Variants in GPC3 observed in about 807,000 individuals in gnomAD.
The protein encoded by GPC3 is glypican-3.
Under a neutral mutation model 34.4 loss-of-function variants are expected in GPC3, and 3 were observed. The ratio of observed to expected loss-of-function variants is 0.09; its 90% CI spans 0.04 to 0.23. The LOEUF (loss-of-function observed/expected upper bound fraction) is 0.23. Ranked by LOEUF, GPC3 falls within the 10% of genes least tolerant of loss-of-function variation. GPC3 has a pLI of 1.00. For missense variants in GPC3, 351 were observed against 445.6 expected (o/e 0.79, Z 1.91); for synonymous variants, 177 against 174.0 (o/e 1.02, Z -0.13).
intron 7 of GPC3, among the ~76,000 whole-genome samples, chrX:133,592,322 C>T (rs965770512): frequency 3.6e-5 from 3 of 83,117 alleles, no homozygotes; most frequent in East Asian, 4.3e-4. Context: ...TGATATTCCC[C>T]GCCCTGTGTC....
intron 2 of GPC3, among the ~76,000 whole-genome samples, chrX:133,944,151 G>T (rs1406983846): frequency 1.8e-5 from 2 of 110,370 alleles, no homozygotes; most frequent in Non-Finnish European, 3.8e-5. Context: ...TCTCACCTGG[G>T]GACAGAGGGA....
intron 2 of GPC3, among the ~76,000 whole-genome samples, chrX:133,889,853 T>G (rs1438903484): frequency 2.0e-5 from 2 of 99,503 alleles, no homozygotes; most frequent in Non-Finnish European, 4.1e-5. Flanking sequence ...TTTTTTTTTT[T>G]GAGACAGAGT....
chrX:133,868,004 A>G (rs917944782), intron 2 of GPC3, among the ~76,000 whole-genome samples: 1 of 109,458 alleles, frequency 9.1e-6, no homozygotes, highest in Non-Finnish European at 1.9e-5. Context: ...CTACCACTCA[A>G]TAAAACCCCA....
At chrX:133,719,901 A>G (rs57330495) in intron 3 of GPC3, among the ~76,000 whole-genome samples, 7,497 of 112,055 alleles carry the variant, frequency 0.067, 650 homozygotes, top group African/African-American at 0.23. Flanking sequence ...GTGGGCAAAG[A>G]ACATGAATAG....
At chrX:133,667,481 C>A (rs1029488126) in intron 5 of GPC3, among the ~76,000 whole-genome samples, 9 of 111,663 alleles carry the variant, frequency 8.1e-5, no homozygotes, top group African/African-American at 2.9e-4. Flanking sequence ...GCAATGTTCA[C>A]AATGTCACCC....
chrX:133,801,170 A>G (rs892928898), intron 2 of GPC3, among the ~76,000 whole-genome samples: 13 of 111,994 alleles, frequency 1.2e-4, no homozygotes, highest in African/African-American at 4.2e-4. Context: ...AAGAAAATTA[A>G]TTGTGGTAAC....
rs200887517 is a variant in GPC3 at position 133,598,872 on chromosome X, T to TA, written c.1414-2274dup. On this transcript the variant is annotated intron_variant, in intron 6 of 7. Transcript: ENST00000370818. ...TGTCAACACCTTTCATTATGTGATA[T>TA]AAAAAATCACATTTGTTAATATTAT... 2.0e-4 allele frequency among the ~76,000 whole-genome samples: 22 copies of TA among 112,154 alleles called. No homozygotes were observed. In the East Asian group the frequency reaches 5.6e-3, roughly 29 times the overall value.
At chrX:133,546,049 T>G (rs2069383426) in intron 7 of GPC3, among the ~76,000 whole-genome samples, 1 of 112,020 alleles carries the variant, frequency 8.9e-6, no homozygotes, top group Non-Finnish European at 1.9e-5. Context: ...GATAGGACTT[T>G]AACTACTTCT....
intron 2 of GPC3, among the ~76,000 whole-genome samples, chrX:133,792,446 T>A (rs2072175480): frequency 9.0e-6 from 1 of 111,672 alleles, no homozygotes; most frequent in African/African-American, 3.3e-5. Flanking sequence ...GATCCTTCCC[T>A]GAGTTGAAAG....
At chrX:133,746,599 A>C (rs1242652016) in intron 3 of GPC3, among the ~76,000 whole-genome samples, 4 of 112,463 alleles carry the variant, frequency 3.6e-5, no homozygotes, top group Non-Finnish European at 7.5e-5. Context: ...AAATCACTGA[A>C]GCTATTTTGA....
At chrX:133,634,391 G>A (rs758310802) in intron 6 of GPC3, among the ~76,000 whole-genome samples, 4 of 112,038 alleles carry the variant, frequency 3.6e-5, no homozygotes, top group Admixed American at 9.5e-5. Flanking sequence ...TGTTCACAGC[G>A]GCATTATTCA....
At chrX:133,811,004 A>G (rs191844607) in intron 2 of GPC3, among the ~76,000 whole-genome samples, 383 of 111,520 alleles carry the variant, frequency 3.4e-3, no homozygotes, top group African/African-American at 0.012. Flanking sequence ...CCACCTTAGC[A>G]TCCTAATCGT....
At chrX:133,694,611 G>A (rs1386873598) in intron 4 of GPC3, among the ~76,000 whole-genome samples, 2 of 109,832 alleles carry the variant, frequency 1.8e-5, no homozygotes, top group Admixed American at 2.0e-4. Flanking sequence ...ATTAGTCTAC[G>A]GGAAACAATG....
chrX:133,558,524 G>T (rs1427003014), intron 7 of GPC3, among the ~76,000 whole-genome samples: 6 of 110,652 alleles, frequency 5.4e-5, no homozygotes, highest in Non-Finnish European at 1.1e-4. Flanking sequence ...GGAAAGATAG[G>T]GTTGAAAACG....
At chrX:133,638,595 A>G (rs915332445) in intron 6 of GPC3, among the ~76,000 whole-genome samples, 2 of 111,656 alleles carry the variant, frequency 1.8e-5, no homozygotes, top group African/African-American at 6.5e-5. Context: ...CTGTTTTCCA[A>G]TGTAGATGTA....
chrX:133,699,942 T>C lies in GPC3; in HGVS notation c.1119A>G (p.Leu373=). 8.3e-7 allele frequency: 1 copy of C among 1,199,471 alleles called. No homozygotes were observed. The highest frequency in any genetic ancestry group is 1.1e-6 in the Non-Finnish European group (1 of 884,818). ...PEDLFIDKKV[L]KVAHVEHEET... ...CTTCATGTTCTACATGAGCAACTTT[T>C]AATACTTTCTTGTCAATAAAGAGAT... The change falls in exon 4 of 8, where the codon TTA becomes TTG. Residue 373 remains leucine (L), a synonymous_variant. Coordinates refer to ENST00000370818, the MANE Select transcript of GPC3 (RefSeq NM_004484.4).
At chrX:133,723,807 T>C (rs1392351430) in intron 3 of GPC3, among the ~76,000 whole-genome samples, 1 of 111,760 alleles carries the variant, frequency 8.9e-6, no homozygotes, top group Non-Finnish European at 1.9e-5. Context: ...TGCAGAACCG[T>C]GAGCCAATTA....
chrX:133,891,738 G>A (rs1274751151), intron 2 of GPC3, among the ~76,000 whole-genome samples: 1 of 105,451 alleles, frequency 9.5e-6, no homozygotes, highest in Non-Finnish European at 1.9e-5. Flanking sequence ...GGTGGAGGCT[G>A]CAGTGAGCTG....
chrX:133,760,732 T>C (rs925286258), intron 2 of GPC3, among the ~76,000 whole-genome samples: 18 of 111,748 alleles, frequency 1.6e-4, no homozygotes, highest in African/African-American at 5.8e-4. Context: ...TAAAAAATTA[T>C]AGAACCATGC....
Sources: allele counts gnomAD v4.1 joint callset (sites outside exome capture counted in the v4.1 genomes callset), GRCh38; gene constraint gnomAD v4.1.1; transcripts MANE v1.5; gene names NCBI Gene and HGNC (gene_info 2026-07-23, HGNC 2026-07-21).